Variants in PDE4DIP observed in about 807,000 individuals in gnomAD.
PDE4DIP encodes phosphodiesterase 4D interacting protein.
Under a neutral mutation model 221.4 loss-of-function variants are expected in PDE4DIP, and 59 were observed. The observed-to-expected ratio is 0.27, with a 90% confidence interval of 0.22 to 0.33. PDE4DIP has a LOEUF of 0.33. Among genes scored for constraint, PDE4DIP ranks in the 10% least tolerant of loss-of-function variants. The pLI is 1.00. For missense variants in PDE4DIP, 1,036 were observed against 2,154.2 expected (o/e 0.48, Z 10.28); for synonymous variants, 404 against 815.9 (o/e 0.50, Z 8.60).
At chr1:149,023,948 G>A (rs2074229093) in intron 37 of PDE4DIP, among the ~76,000 whole-genome samples, 1 of 146,560 alleles carries the variant, frequency 6.8e-6, no homozygotes, top group African/African-American at 2.6e-5. Context: ...GAGAGAGAGA[G>A]AAAGAGAGAG....
chr1:148,934,186 A>G (rs2048669840), intron 4 of PDE4DIP, among the ~76,000 whole-genome samples: 1 of 151,902 alleles, frequency 6.6e-6, no homozygotes, highest in African/African-American at 2.4e-5. Context: ...AGGCTTTGTG[A>G]TAGCAGAATG....
At chr1:148,937,605 A>G (rs1427925656) in intron 4 of PDE4DIP, 142 bp from the exon 8 acceptor site, 1 of 579,952 alleles carries the variant, frequency 1.7e-6, no homozygotes. Flanking sequence ...GGTTTTCTAA[A>G]CAAATGTGTC....
chr1:148,952,104 G>A (rs587728765), intron 5 of PDE4DIP: 21 of 1,021,340 alleles, frequency 2.1e-5, no homozygotes, highest in East Asian at 6.4e-5. Context: ...GAGGAGCCTC[G>A]ACATCCTGCA....
intron 14 of PDE4DIP, 26 bp downstream of exon 17, chr1:148,969,056 A>C (rs782002195): frequency 1.9e-6 from 3 of 1,589,362 alleles, no homozygotes; most frequent in Non-Finnish European, 2.6e-6. Flanking sequence ...CAGATCAGAC[A>C]AGTGTCATGT....
At chr1:149,009,774 C>T (rs782778843) in exon 30 of PDE4DIP, 2 of 1,605,398 alleles carry the variant, frequency 1.2e-6, no homozygotes, top group Non-Finnish European at 1.7e-6. Context: ...GAGAAGAAAG[C>T]TTCTCCCAGT....
Position 148,952,074 on chromosome 1 carries a change from G to A in PDE4DIP, c.637-8580G>A, listed in dbSNP as rs1570666. 5 of 983,822 alleles carry A rather than the reference G, an allele frequency of 5.1e-6. No homozygotes were observed. In the African/African-American group the frequency reaches 8.2e-5, roughly 16 times the overall value. 60.9% of individuals were successfully genotyped at this position (983,822 alleles called of 1,614,324 possible). A position where few individuals can be genotyped will look rare whatever the true frequency, so the allele number is the denominator to read the frequency against. On this transcript the variant is annotated intron_variant, in intron 5 of 43. Transcript: ENST00000369354. ...GTCCGAGAATGCAGGGAGGGGATTCGTCTTTCTCCTCCCCGCGAGGAGGAG... is the reference window on the plus strand; with the variant it reads ...GTCCGAGAATGCAGGGAGGGGATTCATCTTTCTCCTCCCCGCGAGGAGGAG...
At chr1:149,017,065 C>T (rs1553612099) in intron 33 of PDE4DIP, among the ~76,000 whole-genome samples, 1 of 151,616 alleles carries the variant, frequency 6.6e-6, no homozygotes, top group Admixed American at 6.6e-5. Flanking sequence ...AGACTGAGCC[C>T]AAAGCAAAAT....
chr1:148,829,018 ACAC>A lies in PDE4DIP; in HGVS notation c.233+20282_233+20284del. Reference sequence around the variant, plus strand: ...GTCCCAGTTGTCTATTCCTGCATAAACACACACACACACACACACACACACACA... The same window carrying A: ...GTCCCAGTTGTCTATTCCTGCATAAAACACACACACACACACACACACACA... On this transcript the variant is annotated intron_variant, in intron 1 of 45. Coordinates refer to the PDE4DIP transcript ENST00000524974. Among the ~76,000 whole-genome samples the A allele has an allele frequency of 8.2e-5, 2 of 24,480 alleles. 1 individual carries two copies. Among genetic ancestry groups the A allele is most frequent in the Non-Finnish European group, 1.6e-4 (2 of 12,426 alleles). The allele number at this position is 24,480 out of a possible 152,430, so 16.1% of individuals were successfully genotyped here.
At chr1:148,929,221 G>C (rs61743332) in exon 2 of PDE4DIP, 1 of 1,613,564 alleles carries the variant, frequency 6.2e-7, no homozygotes, top group African/African-American at 1.3e-5. Context: ...GGTTGAAGTG[G>C]AGAGCTTGAA....
At chr1:148,970,603 G>A (rs1354385387) in intron 14 of PDE4DIP, among the ~76,000 whole-genome samples, 2 of 151,804 alleles carry the variant, frequency 1.3e-5, no homozygotes, top group African/African-American at 4.8e-5. Context: ...AAGAAATTAC[G>A]AGGTATAGGT....
chr1:148,963,748 C>CTTTTTTTTTTTTTTTTTTTTTTTTTTTT (rs66921099), intron 9 of PDE4DIP, among the ~76,000 whole-genome samples: 2 of 89,098 alleles, frequency 2.2e-5, no homozygotes, highest in African/African-American at 4.7e-5. Context: ...TTCTTTCCTT[C>CTTTTTTTTTTTTTTTTTTTTTTTTTTTT]TTTTTTTTTT....
At chr1:148,820,555 CAAAAAAAAAAAAAAA>C (rs148261220) in intron 1 of PDE4DIP, among the ~76,000 whole-genome samples, 1 of 39,374 alleles carries the variant, frequency 2.5e-5, no homozygotes, top group African/African-American at 9.0e-5. Context: ...AACTCCATCT[CAAAAAAAAAAAAAAA>C]AAAAAAAAAA....
chr1:149,012,909 T>C (rs1378775286), intron 32 of PDE4DIP, 133 bp downstream of exon 35: 3 of 535,470 alleles, frequency 5.6e-6, no homozygotes, highest in South Asian at 5.7e-5. Context: ...GAGGGAAAGC[T>C]CTGTTTGCTT....
At chr1:148,954,190 A>G (rs1260481576) in intron 5 of PDE4DIP, among the ~76,000 whole-genome samples, 1 of 152,140 alleles carries the variant, frequency 6.6e-6, no homozygotes, top group Non-Finnish European at 1.5e-5. Flanking sequence ...CTTTTTTCCT[A>G]TAAAAAGAAG....
chr1:149,012,847 G>C, intron 32 of PDE4DIP, 71 bp downstream of exon 35: 5 of 851,188 alleles, frequency 5.9e-6, no homozygotes, highest in Non-Finnish European at 8.9e-6. Flanking sequence ...GGCTCGGGCT[G>C]GATGGCAGAG....
intron 1 of PDE4DIP, among the ~76,000 whole-genome samples, chr1:148,817,991 A>G (rs1553357467): frequency 2.0e-5 from 3 of 147,800 alleles, no homozygotes; most frequent in African/African-American, 7.6e-5. Flanking sequence ...TAATTTTTGT[A>G]TTTTTATTAG....
chr1:148,915,102 G>A (rs1420147914), intron 1 of PDE4DIP, among the ~76,000 whole-genome samples: 3 of 150,606 alleles, frequency 2.0e-5, no homozygotes, highest in Admixed American at 6.6e-5. Flanking sequence ...TTGATATGGC[G>A]GTAAGAGACT....
intron 3 of PDE4DIP, among the ~76,000 whole-genome samples, chr1:148,882,098 G>A (rs1439249090): frequency 6.6e-5 from 8 of 122,068 alleles, no homozygotes; most frequent in East Asian, 2.2e-4. Flanking sequence ...GCATAGAGAC[G>A]CCTAGACACA....
At position 148,961,882 on chromosome 1, in the gene PDE4DIP, G is replaced by A. The variant is rs145568299; in HGVS notation, c.814G>A (p.Ala272Thr). The A allele has an allele frequency of 7.2e-4, 1,160 of 1,606,666 alleles. 16 individuals are homozygous for A. In the East Asian group the frequency reaches 0.021, roughly 29 times the overall value. Residue 272 changes from alanine (A) to threonine (T), a missense_variant, in exon 7 of 44, where the codon GCT (alanine) becomes ACT (threonine). Coordinates refer to ENST00000369354, the Ensembl canonical transcript of PDE4DIP. ...TGAAATGAGCTATGAACTAAAGTGTGCTCAGGAGTCGTCTCAAAAGCAAGA... is the reference window on the plus strand; with the variant it reads ...TGAAATGAGCTATGAACTAAAGTGTACTCAGGAGTCGTCTCAAAAGCAAGA...
Sources: allele counts gnomAD v4.1 joint callset (sites outside exome capture counted in the v4.1 genomes callset), GRCh38; gene constraint gnomAD v4.1.1; transcripts MANE v1.5; gene names NCBI Gene and HGNC (gene_info 2026-07-23, HGNC 2026-07-21).